Variants in ETV6 observed in about 807,000 individuals in gnomAD.
ETV6 encodes ETS variant transcription factor 6.
In ETV6, 16 loss-of-function variants were observed where a neutral mutation model predicts 51.1. That is an observed-to-expected ratio of 0.31 (90% CI 0.21 to 0.48). The LOEUF (loss-of-function observed/expected upper bound fraction) is 0.48, where lower values mean the gene tolerates loss of function less well. ETV6 is among the 20% of genes least tolerant of loss of function. The pLI is 0.99. For synonymous variants in ETV6, 240 were observed against 224.1 expected (o/e 1.07, Z -0.64); for missense variants, 458 against 594.8 (o/e 0.77, Z 2.39).
At chr12:11,658,139 A>T (rs2120627950) in intron 1 of ETV6, among the ~76,000 whole-genome samples, 1 of 152,274 alleles carries the variant, frequency 6.6e-6, no homozygotes, top group Admixed American at 6.5e-5. Flanking sequence ...CCTCCTTTAT[A>T]CATCCTCCAT....
At chr12:11,860,043 T>G (rs1263515341) in intron 4 of ETV6, among the ~76,000 whole-genome samples, 1 of 152,204 alleles carries the variant, frequency 6.6e-6, no homozygotes. Flanking sequence ...CTGTGAGAAC[T>G]GTGGGTTCTG....
intron 1 of ETV6, among the ~76,000 whole-genome samples, chr12:11,698,328 ATC>A (rs1261311876): frequency 1.3e-5 from 2 of 152,248 alleles, no homozygotes; most frequent in Non-Finnish European, 2.9e-5. Context: ...TTCATTTCTT[ATC>A]TCAGTTTCTT....
intron 2 of ETV6, among the ~76,000 whole-genome samples, chr12:11,757,650 T>C (rs1481928555): frequency 6.6e-6 from 1 of 152,188 alleles, no homozygotes; most frequent in East Asian, 1.9e-4. Context: ...GATTTCTACT[T>C]CTTGAAACCA....
intron 2 of ETV6, among the ~76,000 whole-genome samples, chr12:11,776,458 T>A (rs1279195006): frequency 6.6e-6 from 1 of 152,142 alleles, no homozygotes; most frequent in Admixed American, 6.5e-5. Flanking sequence ...TTTCCCAGGC[T>A]GGTCTCCAAG....
At position 11,853,377 on chromosome 12, in the gene ETV6, T is replaced by C. The variant is rs1300335657; in HGVS notation, c.329-50T>C. 5 of 1,611,390 alleles carry C rather than the reference T, an allele frequency of 3.1e-6. No homozygotes were observed. The African/African-American group carries it at 6.7e-5, about 22-fold the overall frequency. ...TAGCTGCTGCTCCGTAGATCGTTGT[T>C]GGAAAAACATCTTTCCATTTCTCGA... On this transcript the variant is annotated intron_variant, in intron 3 of 7. Coordinates refer to ENST00000396373, the MANE Select transcript of ETV6 (RefSeq NM_001987.5).
chr12:11,850,624 A>G (rs776429512), intron 3 of ETV6, among the ~76,000 whole-genome samples: 1 of 152,254 alleles, frequency 6.6e-6, no homozygotes, highest in Non-Finnish European at 1.5e-5. Context: ...GCCTCACGCC[A>G]TGATGAGCTT....
At chr12:11,826,876 G>A (rs769843649) in intron 2 of ETV6, among the ~76,000 whole-genome samples, 1 of 152,178 alleles carries the variant, frequency 6.6e-6, no homozygotes, top group Middle Eastern at 3.4e-3. Context: ...TAGCTTTCCT[G>A]ACTCCAAGTG....
chr12:11,692,502 C>T (rs1349719036), intron 1 of ETV6, among the ~76,000 whole-genome samples: 1 of 152,172 alleles, frequency 6.6e-6, no homozygotes, highest in Non-Finnish European at 1.5e-5. Context: ...GCAACTGTTT[C>T]TGCAGTCATG....
chr12:11,884,304 C>T (rs1048869778), intron 5 of ETV6, 141 bp from the exon 6 acceptor site: 25 of 944,812 alleles, frequency 2.6e-5, no homozygotes, highest in Non-Finnish European at 3.6e-5. Context: ...CGTTTCTTCC[C>T]GGTAAAACAA....
chr12:11,821,701 G>T (rs1219272447), intron 2 of ETV6, among the ~76,000 whole-genome samples: 2 of 152,116 alleles, frequency 1.3e-5, no homozygotes, highest in Admixed American at 1.3e-4. Flanking sequence ...GATTAGCCGG[G>T]TATGGTGGCT....
intron 4 of ETV6, among the ~76,000 whole-genome samples, chr12:11,856,894 A>G (rs946600677): frequency 6.6e-6 from 1 of 152,246 alleles, no homozygotes; most frequent in Non-Finnish European, 1.5e-5. Flanking sequence ...AACTGGGAAT[A>G]CAGTTCCATA....
rs78716049 is a variant in ETV6 at position 11,863,064 on chromosome 12, G to T, written c.464-6360G>T. On this transcript the variant is annotated intron_variant, in intron 4 of 7. Transcript: ENST00000396373. ...TCTCTGACCAGCATCCGTGGGCTTA[G>T]GGAAAGCACGGTGGTGGAAATGTGA... 6.8e-3 allele frequency among the ~76,000 whole-genome samples: 1,030 copies of T among 152,302 alleles called. 8 individuals carry two copies. Among genetic ancestry groups the T allele is most frequent in the African/African-American group, 0.024 (980 of 41,566 alleles).
At chr12:11,752,641 G>T in intron 2 of ETV6, 62 bp downstream of exon 2, 1 of 1,556,466 alleles carries the variant, frequency 6.4e-7, no homozygotes, top group Non-Finnish European at 8.7e-7. Flanking sequence ...GTGGCAGGCA[G>T]TGGGCTCCAG....
At chr12:11,662,657 G>A (rs927734120) in intron 1 of ETV6, among the ~76,000 whole-genome samples, 10 of 152,226 alleles carry the variant, frequency 6.6e-5, no homozygotes, top group African/African-American at 2.4e-4. Flanking sequence ...GTGAATGTGA[G>A]TTCACAACCC....
rs1456211288 is a variant in ETV6 at position 11,649,777 on chromosome 12, G to C, written c.-351G>C. On this transcript the variant is annotated 5_prime_UTR_variant, in exon 1 of 8. Coordinates refer to ENST00000396373, the MANE Select transcript of ETV6 (RefSeq NM_001987.5). Reference sequence around the variant, plus strand: ...CAGGAAGGAAAACATTCGAGAGAGCGAGGGAGAGCCGCGGGAGGGCGGGGG... The same window carrying C: ...CAGGAAGGAAAACATTCGAGAGAGCCAGGGAGAGCCGCGGGAGGGCGGGGG... 6.8e-6 allele frequency: 1 copy of C among 146,608 alleles called. No homozygotes were observed. Among genetic ancestry groups the C allele is most frequent in the Non-Finnish European group, 1.5e-5 (1 of 65,864 alleles). 9.1% of individuals were successfully genotyped at this position (146,608 alleles called of 1,614,324 possible).
At chr12:11,748,637 T>G (rs559346992) in intron 1 of ETV6, among the ~76,000 whole-genome samples, 2 of 152,314 alleles carry the variant, frequency 1.3e-5, no homozygotes, top group Non-Finnish European at 2.9e-5. Context: ...TTGACTCTTC[T>G]GTAATATGCA....
chr12:11,778,003 C>T (rs1473824074), intron 2 of ETV6, among the ~76,000 whole-genome samples: 1 of 152,240 alleles, frequency 6.6e-6, no homozygotes, highest in African/African-American at 2.4e-5. Flanking sequence ...CTCGGCTCAC[C>T]CTGGATGGTT....
chr12:11,835,934 G>A (rs982975745), intron 2 of ETV6, among the ~76,000 whole-genome samples: 6 of 152,208 alleles, frequency 3.9e-5, no homozygotes, highest in African/African-American at 1.2e-4. Flanking sequence ...CCTTAAATGC[G>A]TTGGGCCTCA....
chr12:11,736,340 T>A (rs112624481), intron 1 of ETV6, among the ~76,000 whole-genome samples: 14 of 152,300 alleles, frequency 9.2e-5, no homozygotes, highest in African/African-American at 3.4e-4. Context: ...TTAGTCTAAC[T>A]GGGAGAGAAA....
Sources: gnomAD v4.1 joint callset for allele counts (sites outside exome capture counted in the v4.1 genomes callset) on GRCh38, gnomAD v4.1.1 for gene constraint, MANE v1.5 for transcripts, NCBI Gene and HGNC (gene_info 2026-07-23, HGNC 2026-07-21) for gene names.